The following CDK2AP1 variants were observed in gnomAD, a reference collection of about 807,000 sequenced individuals.
CDK2AP1 encodes the protein cyclin dependent kinase 2 associated protein 1.
CDK2AP1 carries 10 observed loss-of-function variants against 14.1 expected under a neutral mutation model. The observed-to-expected ratio is 0.71, with a 90% CI of 0.44 to 1.20. CDK2AP1 has a LOEUF of 1.20. Among genes scored for constraint, CDK2AP1 ranks in the 50% most tolerant of loss-of-function variants. CDK2AP1 has a pLI of 0.00. For missense variants in CDK2AP1, 102 were observed against 149.9 expected (o/e 0.68, Z 1.67); for synonymous variants, 59 against 59.8 (o/e 0.99, Z 0.06).
In CDK2AP1 at chr12:123,265,332, G is replaced by A; in HGVS notation, c.154-10C>T. ...GGCTGTTCCCAGTTCCCTAGAATCA[G>A]AAAGAAATGGGTTCAGCAAAATCAG... On this transcript the variant is annotated splice_polypyrimidine_tract_variant and intron_variant, in intron 2 of 3. Transcript: ENST00000261692. The surrounding 1 kb of genome is among the most constrained non-coding windows in gnomAD (Gnocchi z 5.3). 1 of 1,613,976 alleles carries A rather than the reference G, an allele frequency of 6.2e-7. No individual in the cohort carries two copies. The highest frequency in any genetic ancestry group is 1.7e-5 in the Admixed American group (1 of 60,000).
chr12:123,263,679 T>C (rs1177870166), intron 3 of CDK2AP1, among the ~76,000 whole-genome samples: 1 of 152,160 alleles, frequency 6.6e-6, no homozygotes, highest in African/African-American at 2.4e-5. Flanking sequence ...CGTCAACCTC[T>C]TCACAAAGGT....
intron 1 of CDK2AP1, chr12:123,267,590 C>T: frequency 3.0e-6 from 1 of 334,562 alleles, no homozygotes; most frequent in Non-Finnish European, 5.8e-6. Context: ...CTGGCCTGAA[C>T]TCTGCCCATC....
intron 2 of CDK2AP1, among the ~76,000 whole-genome samples, chr12:123,266,705 C>T (rs1390367225): frequency 1.3e-5 from 2 of 152,182 alleles, no homozygotes; most frequent in South Asian, 2.1e-4. Flanking sequence ...AACCAGGGAG[C>T]GGCCTCGCCC....
intron 1 of CDK2AP1, among the ~76,000 whole-genome samples, chr12:123,268,631 C>G (rs2048322534): frequency 6.6e-6 from 1 of 152,254 alleles, no homozygotes; most frequent in African/African-American, 2.4e-5. Flanking sequence ...CTGAACTGGG[C>G]AGAGCACCGT....
chr12:123,272,058 TG>T (rs1303759105), upstream of CDK2AP1: 9 of 149,790 alleles, frequency 6.0e-5, no homozygotes, highest in Middle Eastern at 3.5e-3. Context: ...GGGGGTGTGC[TG>T]GGGGCCGGTC....
At chr12:123,264,181 G>A (rs1023171682) in intron 3 of CDK2AP1, among the ~76,000 whole-genome samples, 5 of 151,836 alleles carry the variant, frequency 3.3e-5, no homozygotes, top group East Asian at 3.9e-4. Flanking sequence ...GTCCCAGGCC[G>A]GGCGTGGTGG....
rs2048355574 is a variant in CDK2AP1 at position 123,271,736 on chromosome 12, G to T, written c.-118C>A. On this transcript the variant is annotated 5_prime_UTR_variant, in exon 1 of 4. Transcript: ENST00000261692. ...GCGCCCGTCCGAGCGCCCGCCGAGCGCCCGCGCACTTTTTGTTGTCGGCGG... is the reference window on the plus strand; with the variant it reads ...GCGCCCGTCCGAGCGCCCGCCGAGCTCCCGCGCACTTTTTGTTGTCGGCGG... 2 of 220,170 alleles carry T rather than the reference G, an allele frequency of 9.1e-6. No individual in the cohort carries two copies. Among genetic ancestry groups the T allele is most frequent in the Non-Finnish European group, 1.5e-5 (2 of 133,376 alleles). 13.6% of individuals were successfully genotyped at this position (220,170 alleles called of 1,614,324 possible).
Position 123,265,768 on chromosome 12 carries a change from A to C in CDK2AP1, c.154-446T>G, listed in dbSNP as rs909671890. ...CTTTATTATCTCCAATGAACAAAAC[A>C]GGGGAAACAGCTCATTTTGGCACAA... On this transcript the variant is annotated intron_variant, in intron 2 of 3. Transcript: ENST00000261692. This position sits in a 1 kb window ranked among gnomAD's most constrained non-coding sequence, Gnocchi z 5.3. Among the ~76,000 whole-genome samples, 3 of 152,168 alleles carry C rather than the reference A, an allele frequency of 2.0e-5. No individual in the cohort carries two copies. The highest frequency in any genetic ancestry group is 6.5e-5 in the Admixed American group (1 of 15,268).
chr12:123,266,053 C>T (rs952282601), intron 2 of CDK2AP1, among the ~76,000 whole-genome samples: 3 of 152,196 alleles, frequency 2.0e-5, no homozygotes, highest in Non-Finnish European at 2.9e-5. Flanking sequence ...GCTGGGCTTC[C>T]GGCAAGCCCA....
chr12:123,264,796 C>A lies in CDK2AP1; in HGVS notation c.280+400G>T, dbSNP rs552025668. The stretch of plus-strand genomic sequence containing the variant: ...GGGTCTCCCTCCAAAGAGGTGACAG[C>A]AGAGGGCAGTGCAGGCACCGATGAA... On this transcript the variant is annotated intron_variant, in intron 3 of 3. Coordinates refer to ENST00000261692, the MANE Select transcript of CDK2AP1 (RefSeq NM_004642.4). Among the ~76,000 whole-genome samples the A allele has an allele frequency of 3.9e-5, 6 of 152,318 alleles. No homozygotes were observed. The South Asian group carries it at 6.2e-4, about 16-fold the overall frequency.
intron 3 of CDK2AP1, among the ~76,000 whole-genome samples, chr12:123,263,136 G>A (rs1338387025): frequency 4.0e-5 from 6 of 151,174 alleles, no homozygotes; most frequent in East Asian, 2.0e-4. Flanking sequence ...GCTTGAACCC[G>A]GGAGGCGGAG....
intron 2 of CDK2AP1, among the ~76,000 whole-genome samples, chr12:123,266,791 G>C (rs1407620613): frequency 6.6e-6 from 1 of 152,234 alleles, no homozygotes; most frequent in African/African-American, 2.4e-5. Flanking sequence ...CTCTCTGCTG[G>C]GCCCGCGCCC....
chr12:123,270,310 C>G (rs547988563), intron 1 of CDK2AP1: 294 of 340,392 alleles, frequency 8.6e-4, no homozygotes, highest in South Asian at 2.7e-3. Context: ...CCTCCGCACC[C>G]TGACGCTTAA....
chr12:123,270,808 C>T (rs2048346935), intron 1 of CDK2AP1: 3 of 983,606 alleles, frequency 3.1e-6, no homozygotes, highest in Non-Finnish European at 3.6e-6. Flanking sequence ...GGGGCGTCCA[C>T]GTGACCCACT....
At position 123,261,521 on chromosome 12, in the gene CDK2AP1, C is replaced by A. The variant is rs560258755; in HGVS notation, c.*215G>T. On this transcript the variant is annotated 3_prime_UTR_variant, in exon 4 of 4. Transcript: ENST00000261692. ...ATCAATGCTTAAAAAACAAAAAAAA[C>A]CTGGGCAGTTCCTAACTACTTAAAA... is the stretch of plus-strand genomic sequence containing the variant. The A allele has an allele frequency of 2.9e-5, 14 of 474,666 alleles. No homozygotes were observed. Among genetic ancestry groups the A allele is most frequent in the South Asian group, 2.1e-4 (7 of 33,500 alleles). The allele number at this position is 474,666 out of a possible 1,614,324, so 29.4% of individuals were successfully genotyped here. A position where few individuals can be genotyped will look rare whatever the true frequency, so the allele number is the denominator to read the frequency against.
At chr12:123,267,365 G>T (rs1483661935) in intron 1 of CDK2AP1, 83 bp from the exon 2 acceptor site, 30 of 810,926 alleles carry the variant, frequency 3.7e-5, no homozygotes, top group Non-Finnish European at 5.5e-5. Context: ...AACAGCCCTT[G>T]CCCAGGACCC....
chr12:123,262,782 C>T (rs764362887), intron 3 of CDK2AP1, among the ~76,000 whole-genome samples: 2 of 152,206 alleles, frequency 1.3e-5, no homozygotes, highest in South Asian at 2.1e-4. Context: ...CACTATGTTG[C>T]TCCTGGCTTT....
chr12:123,271,985 T>G (rs895487460), upstream of CDK2AP1: 12 of 146,674 alleles, frequency 8.2e-5, no homozygotes, highest in African/African-American at 2.9e-4. Flanking sequence ...TTTGGGGGGC[T>G]GGGGTCCCGG....
At chr12:123,262,759 G>A (rs111537552) in intron 3 of CDK2AP1, among the ~76,000 whole-genome samples, 4 of 152,238 alleles carry the variant, frequency 2.6e-5, no homozygotes, top group Non-Finnish European at 5.9e-5. Context: ...ATTATTTGTA[G>A]AGATGGGAGT....
Sources: allele counts gnomAD v4.1 joint callset (sites outside exome capture counted in the v4.1 genomes callset), GRCh38; gene constraint gnomAD v4.1.1; non-coding constraint Gnocchi (gnomAD v3.1); transcripts MANE v1.5; gene names NCBI Gene and HGNC (gene_info 2026-07-23, HGNC 2026-07-21).